Variants in AGBL4 observed in about 807,000 individuals in gnomAD.
The protein encoded by AGBL4 is AGBL carboxypeptidase 4.
In AGBL4, 58 loss-of-function variants were observed where a neutral mutation model predicts 66.4. The ratio of observed to expected loss-of-function variants is 0.87; its 90% CI spans 0.71 to 1.09. The LOEUF is 1.09. AGBL4 is among the 50% of genes least tolerant of loss of function. The probability of loss-of-function intolerance (pLI) is 0.00; values close to 1 mark genes in which losing one functional copy is unlikely to be tolerated. For missense variants in AGBL4, 579 were observed against 631.0 expected (o/e 0.92, Z 0.88); for synonymous variants, 234 against 222.9 (o/e 1.05, Z -0.44).
At chr1:49,414,756 TTCTAGCTCTGACTCCTAA>T (rs1376344424) in intron 3 of AGBL4, among the ~76,000 whole-genome samples, 2 of 152,158 alleles carry the variant, frequency 1.3e-5, no homozygotes, top group African/African-American at 4.8e-5. Context: ...CTTAACCTCT[TTCTAGCTCTGACTCCTAA>T]TCTGCATAGT....
chr1:49,371,220 G>T (rs941238687), intron 3 of AGBL4, among the ~76,000 whole-genome samples: 36 of 143,612 alleles, frequency 2.5e-4, no homozygotes, highest in African/African-American at 6.4e-4. Flanking sequence ...AAGATAGATA[G>T]ATAGATATAT....
intron 1 of AGBL4, among the ~76,000 whole-genome samples, chr1:49,937,738 C>G (rs1199066559): frequency 1.3e-5 from 2 of 152,154 alleles, no homozygotes; most frequent in Admixed American, 1.3e-4. Flanking sequence ...TCCTGAATGA[C>G]TACTGGGTAC....
chr1:48,523,783 T>C, the AGBL4 span, among the ~76,000 whole-genome samples: 4 of 152,272 alleles, frequency 2.6e-5, no homozygotes, highest in African/African-American at 9.6e-5. Context: ...CATTGTTAGG[T>C]GATTTCATCA....
intron 5 of AGBL4, among the ~76,000 whole-genome samples, chr1:49,017,584 C>A (rs187675710): frequency 1.3e-3 from 203 of 152,196 alleles, no homozygotes; most frequent in Middle Eastern, 3.4e-3. Context: ...TTCCAAAAAA[C>A]CCTGATGGAT....
chr1:48,580,193 A>C (rs1447638111), intron 11 of AGBL4, among the ~76,000 whole-genome samples: 1 of 152,218 alleles, frequency 6.6e-6, no homozygotes, highest in East Asian at 1.9e-4. Flanking sequence ...TTAGGAAGGA[A>C]CCATAAGCAA....
At chr1:49,440,438 A>T (rs1219457386) in intron 3 of AGBL4, among the ~76,000 whole-genome samples, 1 of 152,126 alleles carries the variant, frequency 6.6e-6, no homozygotes, top group African/African-American at 2.4e-5. Flanking sequence ...AGTTATGTAA[A>T]ATAAATGCTT....
At chr1:48,849,704 G>T (rs1646990926) in intron 6 of AGBL4, among the ~76,000 whole-genome samples, 1 of 152,198 alleles carries the variant, frequency 6.6e-6, no homozygotes, top group Non-Finnish European at 1.5e-5. Flanking sequence ...TGGGGGCGGT[G>T]GCTCACGCCT....
chr1:49,312,382 C>T (rs1644957564), intron 3 of AGBL4, among the ~76,000 whole-genome samples: 1 of 151,996 alleles, frequency 6.6e-6, no homozygotes, highest in African/African-American at 2.4e-5. Context: ...AACTATCAGC[C>T]CCTAAAACTA....
chr1:48,893,839 C>T (rs992432399), intron 5 of AGBL4, among the ~76,000 whole-genome samples: 1 of 152,164 alleles, frequency 6.6e-6, no homozygotes, highest in African/African-American at 2.4e-5. Flanking sequence ...ACACTACGAT[C>T]TCAGTCTTTC....
intron 2 of AGBL4, among the ~76,000 whole-genome samples, chr1:49,724,253 TG>T (rs1315506301): frequency 6.6e-6 from 1 of 152,162 alleles, no homozygotes; most frequent in Non-Finnish European, 1.5e-5. Flanking sequence ...AAGCACTTTC[TG>T]AAAGTAGTAA....
At chr1:48,586,806 A>T (rs1644827949) in intron 11 of AGBL4, 198 bp downstream of exon 11, 1 of 625,684 alleles carries the variant, frequency 1.6e-6, no homozygotes, top group African/African-American at 1.9e-5. Flanking sequence ...GGAGCATGGC[A>T]ATTGGGGTAG....
intron 3 of AGBL4, among the ~76,000 whole-genome samples, chr1:49,354,193 C>A (rs571688556): frequency 1.3e-5 from 2 of 152,308 alleles, no homozygotes; most frequent in African/African-American, 4.8e-5. Context: ...TCTGTGGGCT[C>A]CCCATCCAGT....
At chr1:48,832,591 CTG>C (rs1646579371) in intron 6 of AGBL4, among the ~76,000 whole-genome samples, 1 of 152,164 alleles carries the variant, frequency 6.6e-6, no homozygotes, top group Admixed American at 6.6e-5. Flanking sequence ...AGGAAAGAGA[CTG>C]TGATGGTTAA....
intron 1 of AGBL4, among the ~76,000 whole-genome samples, chr1:50,020,023 T>C (rs539731907): frequency 6.6e-6 from 1 of 152,130 alleles, no homozygotes; most frequent in South Asian, 2.1e-4. Flanking sequence ...ATAAAAAATT[T>C]CTAATGTATT....
intron 4 of AGBL4, among the ~76,000 whole-genome samples, chr1:49,100,200 G>C (rs1645175756): frequency 6.6e-6 from 1 of 152,146 alleles, no homozygotes; most frequent in Non-Finnish European, 1.5e-5. Context: ...AAAACTAAGG[G>C]TACCCTTGTT....
intron 6 of AGBL4, among the ~76,000 whole-genome samples, chr1:48,679,541 C>T (rs1343128715): frequency 2.6e-5 from 4 of 152,196 alleles, no homozygotes; most frequent in Non-Finnish European, 5.9e-5. Context: ...CACCTCTGCA[C>T]TCATCAGTGT....
intron 4 of AGBL4, among the ~76,000 whole-genome samples, chr1:49,150,278 A>G (rs1455347748): frequency 1.3e-5 from 2 of 152,184 alleles, no homozygotes; most frequent in African/African-American, 4.8e-5. Flanking sequence ...AAGGGTCACT[A>G]CAAGTCGCAC....
chr1:48,832,654 A>G (rs894569293), intron 6 of AGBL4, among the ~76,000 whole-genome samples: 2 of 152,150 alleles, frequency 1.3e-5, no homozygotes, highest in Non-Finnish European at 2.9e-5. Context: ...ATTTGCTTGA[A>G]TGTTATTTCT....
intron 3 of AGBL4, among the ~76,000 whole-genome samples, chr1:49,590,311 A>G (rs1293753318): frequency 6.6e-6 from 1 of 152,018 alleles, no homozygotes; most frequent in Non-Finnish European, 1.5e-5. Flanking sequence ...AATAAAACCG[A>G]GAATATAACA....
Sources: gnomAD v4.1 joint callset for allele counts (sites outside exome capture counted in the v4.1 genomes callset) on GRCh38, gnomAD v4.1.1 for gene constraint, MANE v1.5 for transcripts, NCBI Gene and HGNC (gene_info 2026-07-23, HGNC 2026-07-21) for gene names.